The following COL27A1 variants were observed in gnomAD, a reference collection of about 807,000 sequenced individuals.
COL27A1 encodes collagen alpha-1(XXVII) chain.
COL27A1 carries 106 observed loss-of-function variants against 251.3 expected under a neutral mutation model. The observed-to-expected ratio is 0.42, with a 90% CI of 0.36 to 0.50. COL27A1 has a LOEUF of 0.50. COL27A1 is among the 20% of genes least tolerant of loss of function. The pLI, the probability that COL27A1 is intolerant of heterozygous loss-of-function variation, is 0.00. For missense variants in COL27A1, 2,325 were observed against 2,522.8 expected (o/e 0.92, Z 1.68); for synonymous variants, 1,000 against 986.3 (o/e 1.01, Z -0.26).
At chr9:114,269,317 TC>T in intron 35 of COL27A1, 23 bp downstream of exon 35, 1 of 1,596,646 alleles carries the variant, frequency 6.3e-7, no homozygotes, top group Non-Finnish European at 8.6e-7. Flanking sequence ...AATTTATTCT[TC>T]CTGAAAGCCC....
Position 114,155,893 on chromosome 9 carries a change from C to T in COL27A1, c.-58C>T. The T allele has an allele frequency of 8.6e-7, 1 of 1,163,314 alleles. No individual in the cohort carries two copies. The highest frequency in any genetic ancestry group is 1.6e-5 in the African/African-American group (1 of 61,758). The allele number at this position is 1,163,314 out of a possible 1,614,324, so 72.1% of individuals were successfully genotyped here. A position where few individuals can be genotyped will look rare whatever the true frequency, so the allele number is the denominator to read the frequency against. ...GCGGCGGGGCGGGGGGCTGGCGGCC[C>T]CATGGGGCGCGCCCACACTTGCCCC... On this transcript the variant is annotated 5_prime_UTR_variant, in exon 1 of 61. Coordinates refer to ENST00000356083, the MANE Select transcript of COL27A1 (RefSeq NM_032888.4). This position sits in a 1 kb window ranked among gnomAD's most constrained non-coding sequence, Gnocchi z 5.5.
intron 56 of COL27A1, among the ~76,000 whole-genome samples, chr9:114,303,429 G>C (rs1828811225): frequency 6.6e-6 from 1 of 151,814 alleles, no homozygotes; most frequent in Admixed American, 6.6e-5. Context: ...AGTAGAGATG[G>C]GTTTTCACCA....
At chr9:114,181,795 T>G (rs1048005861) in intron 4 of COL27A1, among the ~76,000 whole-genome samples, 6 of 152,136 alleles carry the variant, frequency 3.9e-5, no homozygotes, top group Admixed American at 1.3e-4. Flanking sequence ...ACTCTGGACT[T>G]GAAGCCACCA....
At chr9:114,231,995 C>T in intron 16 of COL27A1, 129 bp downstream of exon 16, 1 of 883,014 alleles carries the variant, frequency 1.1e-6, no homozygotes, top group Non-Finnish European at 1.8e-6. Context: ...TCTGGCCTCC[C>T]CTAAATCTGT....
chr9:114,306,948 C>A lies in COL27A1; in HGVS notation c.5107+260C>A, dbSNP rs1365500565. ...GCTGTAAGAGTCCCCACCCCTGGGG[C>A]CCATCCTGTCACAGGCTCCCGGGTG... On this transcript the variant is annotated intron_variant, in intron 58 of 60. Coordinates refer to ENST00000356083, the MANE Select transcript of COL27A1 (RefSeq NM_032888.4). 1.4e-5 allele frequency: 6 copies of A among 425,272 alleles called. No homozygotes were observed. The East Asian group carries it at 2.3e-4, about 16-fold the overall frequency. 26.3% of individuals were successfully genotyped at this position (425,272 alleles called of 1,614,324 possible).
intron 10 of COL27A1, among the ~76,000 whole-genome samples, chr9:114,207,570 A>T (rs1830053731): frequency 6.6e-6 from 1 of 152,174 alleles, no homozygotes; most frequent in Non-Finnish European, 1.5e-5. Context: ...AAAGTCACAT[A>T]GCAGGAGAGG....
chr9:114,156,161 T>G, intron 1 of COL27A1, 149 bp downstream of exon 1: 1 of 1,201,380 alleles, frequency 8.3e-7, no homozygotes, highest in Non-Finnish European at 1.1e-6. Flanking sequence ...CGCCAAGGGT[T>G]AATAGGGGCT....
At chr9:114,253,800 C>G (rs1833741766) in intron 27 of COL27A1, among the ~76,000 whole-genome samples, 1 of 152,170 alleles carries the variant, frequency 6.6e-6, no homozygotes, top group Non-Finnish European at 1.5e-5. Context: ...TCCCTGGAAG[C>G]ATTTTGGTTA....
At chr9:114,182,307 T>C (rs945299707) in intron 4 of COL27A1, among the ~76,000 whole-genome samples, 2 of 151,530 alleles carry the variant, frequency 1.3e-5, no homozygotes, top group Admixed American at 1.3e-4. Context: ...GCCGAGGAGT[T>C]TGAGGCTGCA....
intron 1 of COL27A1, among the ~76,000 whole-genome samples, chr9:114,160,739 C>A (rs748212636): frequency 1.3e-5 from 2 of 151,474 alleles, no homozygotes; most frequent in African/African-American, 2.4e-5. Context: ...GAGACTTCGT[C>A]TAGACAGGGA....
intron 10 of COL27A1, 27 bp downstream of exon 10, chr9:114,206,323 T>G: frequency 6.2e-7 from 1 of 1,612,844 alleles, no homozygotes; most frequent in East Asian, 2.2e-5. Context: ...CAGTGCCACA[T>G]GGGTGGGGTT....
At chr9:114,166,345 A>G (rs1199698017) in intron 2 of COL27A1, among the ~76,000 whole-genome samples, 1 of 149,858 alleles carries the variant, frequency 6.7e-6, no homozygotes, top group African/African-American at 2.5e-5. Context: ...CTATCCTTTC[A>G]TGCATCCATG....
intron 36 of COL27A1, chr9:114,273,897 G>GT: frequency 6.6e-6 from 1 of 152,270 alleles, no homozygotes; most frequent in Middle Eastern, 3.4e-3. Flanking sequence ...AAAGATTACC[G>GT]TGATGAGATA....
chr9:114,220,507 C>T (rs1016950620), intron 13 of COL27A1, among the ~76,000 whole-genome samples: 2 of 152,188 alleles, frequency 1.3e-5, no homozygotes, highest in Admixed American at 6.5e-5. Flanking sequence ...CCCGATTAGG[C>T]GCTAATTCAG....
intron 42 of COL27A1, 83 bp downstream of exon 42, chr9:114,288,594 CA>C: frequency 1.3e-6 from 2 of 1,542,006 alleles, no homozygotes; most frequent in Non-Finnish European, 8.8e-7. Flanking sequence ...GTGGGCCGAT[CA>C]GGGGCCAGGT....
At chr9:114,193,033 G>A (rs982883634) in intron 5 of COL27A1, among the ~76,000 whole-genome samples, 6 of 152,142 alleles carry the variant, frequency 3.9e-5, no homozygotes, top group South Asian at 4.1e-4. Context: ...ATGTGTGTGC[G>A]CATGTGTGGT....
rs144241003 is a variant in COL27A1, at chr9:114,168,979, G to A, written c.1424G>A (p.Arg475His). ...TSHASKPASA[R>H]TSTHKPPPFT... Reference sequence around the variant, plus strand: ...CATGCCAGTAAGCCGGCCTCTGCCCGCACCAGCACCCACAAACCTCCCCCA... The same window carrying A: ...CATGCCAGTAAGCCGGCCTCTGCCCACACCAGCACCCACAAACCTCCCCCA... The change falls in exon 3 of 61, where the codon CGC becomes CAC. Residue 475 changes from arginine to histidine, a missense_variant. This residue lies in a region of COL27A1 where 1,183 missense variants were observed against 1,144.1 expected (regional missense o/e 1.03). Coordinates refer to ENST00000356083, the MANE Select transcript of COL27A1 (RefSeq NM_032888.4). The A allele has an allele frequency of 1.5e-5, 25 of 1,613,924 alleles. No individual in the cohort carries two copies. The highest frequency in any genetic ancestry group is 1.3e-4 in the African/African-American group (10 of 74,878).
intron 8 of COL27A1, 64 bp downstream of exon 8, chr9:114,205,210 T>C: frequency 6.8e-7 from 1 of 1,470,416 alleles, no homozygotes; most frequent in Non-Finnish European, 9.4e-7. Flanking sequence ...TACCTGTCTC[T>C]GGCCCCCTCC....
chr9:114,157,139 C>T (rs1848181163), intron 1 of COL27A1, among the ~76,000 whole-genome samples: 1 of 151,474 alleles, frequency 6.6e-6, no homozygotes, highest in South Asian at 2.1e-4. Context: ...ACACTGCTGA[C>T]TCATTTTCTC....
Sources: gnomAD v4.1 joint callset for allele counts (sites outside exome capture counted in the v4.1 genomes callset) on GRCh38, gnomAD v4.1.1 for gene constraint, gnomAD v4.1.1 regional missense constraint, Gnocchi (gnomAD v3.1) non-coding constraint, MANE v1.5 for transcripts, NCBI Gene and HGNC (gene_info 2026-07-23, HGNC 2026-07-21) for gene names.